SLIT2: variants seen among roughly 807,000 people sequenced by gnomAD.
SLIT2 encodes the protein slit homolog 2 protein.
SLIT2 carries 41 observed loss-of-function variants against 185.7 expected under a neutral mutation model. The ratio of observed to expected loss-of-function variants is 0.22; its 90% CI spans 0.17 to 0.29. The LOEUF (loss-of-function observed/expected upper bound fraction) is 0.29, where lower values mean the gene tolerates loss of function less well. Among genes scored for constraint, SLIT2 ranks in the 10% least tolerant of loss-of-function variants. SLIT2 has a pLI of 1.00. For synonymous variants in SLIT2, 693 were observed against 680.2 expected, an observed-to-expected ratio of 1.02 and a Z score of -0.29; for missense variants, 1,571 against 1,909.0, an observed-to-expected ratio of 0.82 and a Z score of 3.30.
At chr4:20,286,173 A>G (rs1715248576) in intron 4 of SLIT2, among the ~76,000 whole-genome samples, 1 of 152,224 alleles carries the variant, frequency 6.6e-6, no homozygotes. Context: ...AATTAAATAA[A>G]AACACTATAC....
At chr4:20,514,252 A>G (rs1267729607) in intron 11 of SLIT2, among the ~76,000 whole-genome samples, 1 of 152,242 alleles carries the variant, frequency 6.6e-6, no homozygotes, top group African/African-American at 2.4e-5. Context: ...ACTCAAGAAT[A>G]TAGCCAGATT....
rs767953402 is a variant in SLIT2, at chr4:20,491,844, C to T, written c.859C>T (p.Arg287Cys). ...CTCSNNIVDC[R>C]GKGLTEIPTN... is the part of the protein sequence containing the mutation. ...CTGTAGCAACAATATCGTAGACTGT[C>T]GTGGGAAAGGTCTCACTGAGATCCC... Residue 287 changes from arginine to cysteine, a missense_variant, in exon 9 of 37, where the codon CGT (arginine) becomes TGT (cysteine). By Grantham distance (180) the Arg-to-Cys change is radical. Coordinates refer to ENST00000504154, the MANE Select transcript of SLIT2 (RefSeq NM_004787.4). 3.1e-6 allele frequency: 5 copies of T among 1,613,772 alleles called. No homozygotes were observed. Among genetic ancestry groups the T allele is most frequent in the Admixed American group, 3.3e-5 (2 of 60,000 alleles).
At chr4:20,306,565 G>A (rs1044856699) in intron 4 of SLIT2, among the ~76,000 whole-genome samples, 2 of 152,144 alleles carry the variant, frequency 1.3e-5, no homozygotes, top group Non-Finnish European at 2.9e-5. Flanking sequence ...AATCCATTGA[G>A]TATTAATTTT....
At chr4:20,505,242 C>T (rs992206609) in intron 9 of SLIT2, among the ~76,000 whole-genome samples, 12 of 151,958 alleles carry the variant, frequency 7.9e-5, no homozygotes, top group African/African-American at 1.7e-4. Context: ...TGAGACACAG[C>T]GAAAGAAAAT....
intron 30 of SLIT2, 120 bp downstream of exon 30, chr4:20,589,857 C>A: frequency 1.7e-6 from 1 of 578,538 alleles, no homozygotes. Flanking sequence ...GACCTATTCA[C>A]TAGTATCAGT....
At chr4:20,290,417 C>T (rs1304040589) in intron 4 of SLIT2, among the ~76,000 whole-genome samples, 1 of 152,112 alleles carries the variant, frequency 6.6e-6, no homozygotes, top group South Asian at 2.1e-4. Context: ...ACATTAGTTA[C>T]TGTAAGTAGT....
intron 4 of SLIT2, among the ~76,000 whole-genome samples, chr4:20,383,360 C>T (rs1381521715): frequency 6.6e-6 from 1 of 152,136 alleles, no homozygotes; most frequent in East Asian, 1.9e-4. Context: ...ATGTAAAGAA[C>T]TCTTTCAACT....
intron 3 of SLIT2, among the ~76,000 whole-genome samples, chr4:20,259,548 T>C (rs1342387587): frequency 6.6e-6 from 1 of 151,796 alleles, no homozygotes; most frequent in African/African-American, 2.4e-5. Flanking sequence ...ACACTAGAAC[T>C]AAACAAACTT....
intron 4 of SLIT2, among the ~76,000 whole-genome samples, chr4:20,296,820 T>A (rs1425659616): frequency 6.6e-6 from 1 of 152,220 alleles, no homozygotes; most frequent in Non-Finnish European, 1.5e-5. Context: ...TTTCATCAAA[T>A]AAATTGAAAC....
At chr4:20,255,099 G>T (rs1323066) in intron 1 of SLIT2, 18 of 455,380 alleles carry the variant, frequency 4.0e-5, no homozygotes, top group South Asian at 2.6e-4. Flanking sequence ...TCGCGGTTGC[G>T]TGTGGGCCGG....
intron 4 of SLIT2, among the ~76,000 whole-genome samples, chr4:20,396,454 A>G (rs1375288030): frequency 6.6e-6 from 1 of 151,882 alleles, no homozygotes; most frequent in Non-Finnish European, 1.5e-5. Flanking sequence ...ACAAAACTGG[A>G]TGAAATGCTT....
At chr4:20,500,888 A>G (rs1718672670) in intron 9 of SLIT2, among the ~76,000 whole-genome samples, 2 of 152,198 alleles carry the variant, frequency 1.3e-5, no homozygotes, top group South Asian at 2.1e-4. Context: ...CTATGAAAGT[A>G]CTAGTTTTTC....
chr4:20,470,202 A>G (rs1394461373), intron 5 of SLIT2, among the ~76,000 whole-genome samples: 1 of 152,186 alleles, frequency 6.6e-6, no homozygotes, highest in Non-Finnish European at 1.5e-5. Flanking sequence ...CAAATGCTAA[A>G]AGTTAACCCT....
At chr4:20,599,337 G>C (rs1272965681) in intron 33 of SLIT2, among the ~76,000 whole-genome samples, 2 of 152,088 alleles carry the variant, frequency 1.3e-5, no homozygotes, top group South Asian at 2.1e-4. Flanking sequence ...AGACAATTTA[G>C]CTATTTAATT....
intron 4 of SLIT2, among the ~76,000 whole-genome samples, chr4:20,279,728 T>A (rs140961103): frequency 6.6e-6 from 1 of 152,350 alleles, no homozygotes; most frequent in African/African-American, 2.4e-5. Context: ...CTATGGTACT[T>A]GGCATATAAT....
intron 4 of SLIT2, among the ~76,000 whole-genome samples, chr4:20,387,591 A>G (rs1248855002): frequency 6.6e-6 from 1 of 152,150 alleles, no homozygotes; most frequent in Admixed American, 6.6e-5. Flanking sequence ...GTGCCATGGG[A>G]AAATACTAGG....
In SLIT2 at chr4:20,617,484, C is replaced by T. The variant is rs192735600; in HGVS notation, c.4182C>T (p.Ser1394=). The T allele has an allele frequency of 3.3e-5, 53 of 1,614,144 alleles. No homozygotes were observed. The East Asian group carries it at 7.6e-4, about 23-fold the overall frequency. The change falls in exon 36 of 37, where the codon AGC becomes AGT. Residue 1394 remains serine, a synonymous_variant. Transcript: ENST00000504154. ...TGCCCATCAATGCGTTCTCCTACAG[C>T]TGTAAGTGCTTGGAGGGCCATGGAG... ...TCLPINAFSY[S]CKCLEGHGGV... is the part of the protein sequence containing the mutation.
chr4:20,385,513 G>A (rs1051462525), intron 4 of SLIT2, among the ~76,000 whole-genome samples: 2 of 152,134 alleles, frequency 1.3e-5, no homozygotes, highest in Admixed American at 6.5e-5. Flanking sequence ...TAAAGGAAAG[G>A]CAGTGGAGGA....
intron 4 of SLIT2, among the ~76,000 whole-genome samples, chr4:20,388,272 T>C (rs1725091690): frequency 6.6e-6 from 1 of 152,158 alleles, no homozygotes; most frequent in Non-Finnish European, 1.5e-5. Flanking sequence ...AGCCACAGAC[T>C]ACAATAAAAT....
Sources: gnomAD v4.1 joint callset for allele counts (sites outside exome capture counted in the v4.1 genomes callset) on GRCh38, gnomAD v4.1.1 for gene constraint, MANE v1.5 for transcripts, NCBI Gene and HGNC (gene_info 2026-07-23, HGNC 2026-07-21) for gene names.